PCDHA6: variants seen among roughly 807,000 people sequenced by gnomAD.
PCDHA6 encodes protocadherin alpha 6.
Under a neutral mutation model 60.3 loss-of-function variants are expected in PCDHA6, and 55 were observed. The observed-to-expected ratio is 0.91, with a 90% CI of 0.73 to 1.14. The LOEUF is 1.14. Among genes scored for constraint, PCDHA6 ranks in the 50% most tolerant of loss-of-function variants. The probability of loss-of-function intolerance (pLI) is 0.00; values close to 1 mark genes in which losing one functional copy is unlikely to be tolerated. For synonymous variants in PCDHA6, 652 were observed against 557.9 expected, an observed-to-expected ratio of 1.17 and a Z score of -2.38; for missense variants, 1,327 against 1,256.5, an observed-to-expected ratio of 1.06 and a Z score of -0.85.
chr5:140,977,681 A>G (rs1363970729), intron 1 of PCDHA6, among the ~76,000 whole-genome samples: 2 of 152,208 alleles, frequency 1.3e-5, no homozygotes, highest in African/African-American at 4.8e-5. Context: ...AATATCATGT[A>G]GCCATCCAGA....
intron 1 of PCDHA6, among the ~76,000 whole-genome samples, chr5:140,892,821 T>C (rs2063687425): frequency 6.6e-6 from 1 of 152,210 alleles, no homozygotes; most frequent in Non-Finnish European, 1.5e-5. Context: ...TATCCTACAG[T>C]GCTACAGTGC....
chr5:140,970,141 G>T, intron 1 of PCDHA6, among the ~76,000 whole-genome samples: 1 of 152,166 alleles, frequency 6.6e-6, no homozygotes, highest in East Asian at 1.9e-4. Context: ...AAGGGAAAAA[G>T]AATTCTCCCA....
intron 1 of PCDHA6, chr5:140,928,017 C>T (rs782665827): frequency 1.2e-6 from 2 of 1,614,064 alleles, no homozygotes; most frequent in East Asian, 4.5e-5. Flanking sequence ...ATGGTAGGGT[C>T]ATTTGTGGCA....
Position 140,849,791 on chromosome 5 carries a change from G to A in PCDHA6, c.2394+19306G>A. ...TGGTTACCGCGCGGGACGGGGGCTC[G>A]CCTTCACTGTGGGCCACGGCCAGGG... On this transcript the variant is annotated intron_variant, in intron 1 of 3. Coordinates refer to ENST00000529310, the MANE Select transcript of PCDHA6 (RefSeq NM_018909.4). The A allele has an allele frequency of 1.9e-6, 3 of 1,598,446 alleles. 1 individual carries two copies. Among genetic ancestry groups the A allele is most frequent in the African/African-American group, 1.3e-5 (1 of 74,534 alleles).
chr5:140,837,446 TA>T (rs1775051312), intron 1 of PCDHA6, among the ~76,000 whole-genome samples: 1 of 151,960 alleles, frequency 6.6e-6, no homozygotes, highest in South Asian at 2.1e-4. Flanking sequence ...TAGTACGTAG[TA>T]AAAAATCTCC....
chr5:140,870,005 T>A lies in PCDHA6; in HGVS notation c.2394+39520T>A, dbSNP rs1006397532. 1 of 1,612,940 alleles carries A rather than the reference T, an allele frequency of 6.2e-7. No individual in the cohort carries two copies. The highest frequency in any genetic ancestry group is 1.7e-5 in the Admixed American group (1 of 59,888). The stretch of plus-strand genomic sequence containing the variant: ...ACACTAGATCAAAATAATGGAGAAG[T>A]GAGGGTCAATGGAACTTTAGATTAT... On this transcript the variant is annotated intron_variant, in intron 1 of 3. Coordinates refer to ENST00000529310, the MANE Select transcript of PCDHA6 (RefSeq NM_018909.4).
At chr5:140,966,172 G>A in intron 1 of PCDHA6, 1 of 184,672 alleles carries the variant, frequency 5.4e-6, no homozygotes, top group East Asian at 1.4e-4. Context: ...TTTTCCTGGG[G>A]AGCTGATAGC....
At chr5:140,934,319 A>G (rs1292813425) in intron 1 of PCDHA6, among the ~76,000 whole-genome samples, 1 of 152,146 alleles carries the variant, frequency 6.6e-6, no homozygotes, top group Non-Finnish European at 1.5e-5. Context: ...CAAATGTCCA[A>G]TCATGAATGT....
At chr5:140,875,577 C>G in intron 1 of PCDHA6, 1 of 1,614,082 alleles carries the variant, frequency 6.2e-7, no homozygotes, top group Non-Finnish European at 8.5e-7. Context: ...ACTACTCCGT[C>G]TACGAGGAGG....
Position 140,829,432 on chromosome 5 carries a change from C to T in PCDHA6, c.1341C>T (p.Asp447=), listed in dbSNP as rs1446310699. Residue 447 remains aspartate (D), a synonymous_variant, in exon 1 of 4, where the codon GAC becomes GAT. Coordinates refer to ENST00000529310, the MANE Select transcript of PCDHA6 (RefSeq NM_018909.4). ...ATASLSVEVA[D]MNDNAPAFAQ... The stretch of plus-strand genomic sequence containing the variant: ...CCAGCTTGTCTGTGGAGGTGGCCGA[C>T]ATGAATGACAATGCTCCGGCGTTCG... 4 of 1,613,988 alleles carry T rather than the reference C, an allele frequency of 2.5e-6. No homozygotes were observed. Among genetic ancestry groups the T allele is most frequent in the Non-Finnish European group, 3.4e-6 (4 of 1,180,056 alleles).
intron 1 of PCDHA6, among the ~76,000 whole-genome samples, chr5:140,889,977 C>A (rs2062447126): frequency 6.6e-6 from 1 of 152,102 alleles, no homozygotes; most frequent in African/African-American, 2.4e-5. Flanking sequence ...ATCCAGTCTC[C>A]AGTTGTCTTA....
At chr5:140,877,007 C>T in intron 1 of PCDHA6, 2 of 1,612,430 alleles carry the variant, frequency 1.2e-6, no homozygotes, top group Non-Finnish European at 1.7e-6. Context: ...TCGGTGCACG[C>T]GGAGAGCGGC....
At chr5:140,843,345 C>T (rs2150357960) in intron 1 of PCDHA6, 12 of 1,595,968 alleles carry the variant, frequency 7.5e-6, no homozygotes, top group African/African-American at 5.4e-5. Flanking sequence ...AGCGGCCAGG[C>T]TCCAAAAGCG....
chr5:140,917,741 C>G (rs2078335946), intron 1 of PCDHA6, among the ~76,000 whole-genome samples: 1 of 152,048 alleles, frequency 6.6e-6, no homozygotes, highest in Non-Finnish European at 1.5e-5. Flanking sequence ...CTAACCTGTC[C>G]CATTGGTCTA....
intron 1 of PCDHA6, chr5:140,870,758 T>C: frequency 1.2e-6 from 2 of 1,613,530 alleles, no homozygotes; most frequent in African/African-American, 2.7e-5. Flanking sequence ...ACGCTGCAGG[T>C]GTTCGTGCTG....
chr5:140,907,648 G>T (rs2153502267), intron 1 of PCDHA6, among the ~76,000 whole-genome samples: 1 of 152,312 alleles, frequency 6.6e-6, no homozygotes, highest in East Asian at 1.9e-4. Flanking sequence ...TGGCAAATTG[G>T]GCACTCAGCA....
chr5:140,966,946 C>G (rs377699694), intron 1 of PCDHA6: 3 of 1,603,368 alleles, frequency 1.9e-6, no homozygotes, highest in African/African-American at 2.7e-5. Context: ...TCGTGGGCAA[C>G]GTGGCTCGCG....
intron 1 of PCDHA6, among the ~76,000 whole-genome samples, chr5:140,976,889 T>A (rs2096736169): frequency 6.6e-6 from 1 of 152,218 alleles, no homozygotes; most frequent in Admixed American, 6.5e-5. Context: ...TTAGGATACA[T>A]GCAACAGTAT....
chr5:140,954,405 G>T (rs246023), intron 1 of PCDHA6, among the ~76,000 whole-genome samples: 85,299 of 151,648 alleles, frequency 0.56, 24,568 homozygotes, highest in African/African-American at 0.69. Context: ...CCACCAACAG[G>T]GTAAAGGTGT....
Sources: gnomAD v4.1 joint callset for allele counts (sites outside exome capture counted in the v4.1 genomes callset) on GRCh38, gnomAD v4.1.1 for gene constraint, MANE v1.5 for transcripts, NCBI Gene and HGNC (gene_info 2026-07-23, HGNC 2026-07-21) for gene names.